The following TASP1 variants were observed in gnomAD, a reference collection of about 807,000 sequenced individuals.
The protein encoded by TASP1 is taspase 1.
TASP1 carries 16 observed loss-of-function variants against 56.6 expected under a neutral mutation model. The observed-to-expected ratio is 0.28, with a 90% CI of 0.19 to 0.43. The LOEUF is 0.43. Among genes scored for constraint, TASP1 ranks in the 20% least tolerant of loss-of-function variants. TASP1 has a pLI of 1.00. For missense variants in TASP1, 393 were observed against 511.6 expected, an observed-to-expected ratio of 0.77 and a Z score of 2.24; for synonymous variants, 179 against 184.2, an observed-to-expected ratio of 0.97 and a Z score of 0.23.
intron 10 of TASP1, among the ~76,000 whole-genome samples, chr20:13,512,853 T>C (rs2044388290): frequency 1.3e-5 from 2 of 152,356 alleles, no homozygotes; most frequent in East Asian, 3.9e-4. Flanking sequence ...ATTTATTAAA[T>C]AGGGAATCCT....
chr20:13,488,273 G>A (rs4411781), intron 10 of TASP1, among the ~76,000 whole-genome samples: 33,612 of 151,516 alleles, frequency 0.22, 3,825 homozygotes, highest in Middle Eastern at 0.29. Context: ...TGGACCAAAG[G>A]CAACAAGAAA....
chr20:13,125,157 C>T, the TASP1 span, among the ~76,000 whole-genome samples: 1 of 152,174 alleles, frequency 6.6e-6, no homozygotes, highest in African/African-American at 2.4e-5. Flanking sequence ...CAGATGCCAG[C>T]TCTGAGGCCC....
chr20:13,445,584 A>G (rs2043380313), intron 11 of TASP1, among the ~76,000 whole-genome samples: 1 of 152,114 alleles, frequency 6.6e-6, no homozygotes, highest in East Asian at 1.9e-4. Flanking sequence ...AGAACTGAAG[A>G]CTCAGTGGAG....
intron 7 of TASP1, among the ~76,000 whole-genome samples, chr20:13,567,610 C>T (rs2046578328): frequency 1.3e-5 from 2 of 151,100 alleles, no homozygotes; most frequent in Non-Finnish European, 2.9e-5. Context: ...ATCATCAAAA[C>T]ATGGGAATTA....
intron 2 of TASP1, among the ~76,000 whole-genome samples, chr20:13,626,385 C>T (rs1225139282): frequency 6.6e-6 from 1 of 152,174 alleles, no homozygotes; most frequent in Non-Finnish European, 1.5e-5. Flanking sequence ...CAAGATCATG[C>T]CACTGCACTC....
chr20:13,512,714 A>C (rs576234991), intron 10 of TASP1, among the ~76,000 whole-genome samples: 44 of 152,006 alleles, frequency 2.9e-4, no homozygotes, highest in Non-Finnish European at 4.4e-4. Flanking sequence ...AGGTTTTCTT[A>C]TATGGTTTTT....
chr20:13,465,872 T>TA (rs549298973), intron 11 of TASP1, among the ~76,000 whole-genome samples: 87 of 152,188 alleles, frequency 5.7e-4, no homozygotes, highest in African/African-American at 2.0e-3. Context: ...GATGTGGTTA[T>TA]AAAGGGGGAA....
At chr20:13,568,447 CTT>C (rs1328781587) in intron 7 of TASP1, among the ~76,000 whole-genome samples, 1 of 151,876 alleles carries the variant, frequency 6.6e-6, no homozygotes, top group Non-Finnish European at 1.5e-5. Context: ...TTTAATATTT[CTT>C]TCTCATTTTA....
At chr20:13,613,552 T>C (rs1413332587) in intron 4 of TASP1, among the ~76,000 whole-genome samples, 3 of 152,136 alleles carry the variant, frequency 2.0e-5, no homozygotes, top group African/African-American at 7.2e-5. Context: ...CCTATTTTCA[T>C]CCATGTATTG....
intron 4 of TASP1, among the ~76,000 whole-genome samples, chr20:13,594,130 G>C (rs990881693): frequency 1.3e-5 from 2 of 152,170 alleles, no homozygotes; most frequent in Non-Finnish European, 2.9e-5. Context: ...CTGCAGCTGA[G>C]GGACATGACT....
intron 13 of TASP1, among the ~76,000 whole-genome samples, chr20:13,402,129 C>A (rs530649027): frequency 6.6e-6 from 1 of 152,292 alleles, no homozygotes; most frequent in East Asian, 1.9e-4. Flanking sequence ...AATTTGAATA[C>A]ATATTATTCG....
the TASP1 span, among the ~76,000 whole-genome samples, chr20:13,306,337 G>C: frequency 6.6e-6 from 1 of 152,082 alleles, no homozygotes; most frequent in East Asian, 1.9e-4. Flanking sequence ...TGCCATGGAA[G>C]AGAACAGTCT....
At chr20:13,314,729 C>G in the TASP1 span, among the ~76,000 whole-genome samples, 1 of 152,064 alleles carries the variant, frequency 6.6e-6, no homozygotes, top group African/African-American at 2.4e-5. Context: ...AAAACAAAGT[C>G]TGTTATTTTT....
intron 4 of TASP1, among the ~76,000 whole-genome samples, chr20:13,591,562 T>C (rs1052878711): frequency 3.9e-5 from 6 of 152,130 alleles, no homozygotes; most frequent in African/African-American, 1.4e-4. Context: ...CCAGCAAACC[T>C]ACACTATAAG....
chr20:13,441,238 C>A (rs908359498), intron 11 of TASP1, among the ~76,000 whole-genome samples: 3 of 152,114 alleles, frequency 2.0e-5, no homozygotes, highest in Non-Finnish European at 4.4e-5. Context: ...TCTAGTCATT[C>A]AAATCGCTAA....
chr20:13,304,789 C>G, the TASP1 span, among the ~76,000 whole-genome samples: 3 of 152,160 alleles, frequency 2.0e-5, no homozygotes, highest in African/African-American at 7.2e-5. Context: ...TCCACGAGCT[C>G]CCAGTGGGAT....
the TASP1 span, among the ~76,000 whole-genome samples, chr20:13,318,710 G>A: frequency 6.6e-6 from 1 of 152,188 alleles, no homozygotes; most frequent in Non-Finnish European, 1.5e-5. Context: ...AATAAGAAAT[G>A]AGCCGTCAAG....
At chr20:13,563,514 C>T (rs1340649902) in intron 7 of TASP1, among the ~76,000 whole-genome samples, 1 of 152,078 alleles carries the variant, frequency 6.6e-6, no homozygotes, top group Non-Finnish European at 1.5e-5. Flanking sequence ...AATTCCTCAA[C>T]AAAATACTGC....
the TASP1 span, among the ~76,000 whole-genome samples, chr20:13,316,902 C>T: frequency 1.1e-3 from 168 of 151,916 alleles, no homozygotes; most frequent in Admixed American, 1.8e-3. Context: ...TCTCACCATT[C>T]CTTTTCAACA....
Sources: allele counts gnomAD v4.1 joint callset (sites outside exome capture counted in the v4.1 genomes callset), GRCh38; gene constraint gnomAD v4.1.1; transcripts MANE v1.5; gene names NCBI Gene and HGNC (gene_info 2026-07-23, HGNC 2026-07-21).